SHROOM3: variants seen among roughly 807,000 people sequenced by gnomAD.
SHROOM3 encodes the protein protein Shroom3.
Under a neutral mutation model 138.6 loss-of-function variants are expected in SHROOM3, and 47 were observed. That is an observed-to-expected ratio of 0.34 (90% CI 0.27 to 0.43). SHROOM3 has a LOEUF of 0.43. Ranked by LOEUF, SHROOM3 falls within the 20% of genes least tolerant of loss-of-function variation. The pLI, the probability that SHROOM3 is intolerant of heterozygous loss-of-function variation, is 1.00. For missense variants in SHROOM3, 2,491 were observed against 2,596.5 expected (o/e 0.96, Z 0.88); for synonymous variants, 1,062 against 1,063.3 (o/e 1.00, Z 0.02).
chr4:76,639,891 T>C (rs915695489), intron 2 of SHROOM3, among the ~76,000 whole-genome samples: 4 of 152,206 alleles, frequency 2.6e-5, no homozygotes, highest in African/African-American at 9.7e-5. Flanking sequence ...TGCAAACTTC[T>C]TTTTTAAAAC....
At chr4:76,715,653 A>G (rs1290953859) in intron 3 of SHROOM3, among the ~76,000 whole-genome samples, 1 of 152,164 alleles carries the variant, frequency 6.6e-6, no homozygotes, top group Non-Finnish European at 1.5e-5. Flanking sequence ...TTATATGGGG[A>G]TCTCGGATCA....
chr4:76,515,172 G>A (rs960704779), intron 1 of SHROOM3, among the ~76,000 whole-genome samples: 3 of 147,638 alleles, frequency 2.0e-5, no homozygotes, highest in South Asian at 2.1e-4. Flanking sequence ...CTGAGATCAC[G>A]CCTCTGCACT....
chr4:76,450,832 A>G (rs1730911239), intron 1 of SHROOM3, among the ~76,000 whole-genome samples: 1 of 152,250 alleles, frequency 6.6e-6, no homozygotes, highest in Admixed American at 6.5e-5. Flanking sequence ...GTAAAAATCA[A>G]TGAATCATAA....
In SHROOM3 at chr4:76,740,774, G is replaced by A; in HGVS notation, c.2601G>A (p.Leu867=). ...CCCGGCAGCCCTGCGGTCAGCAGCT[G>A]AGCGGAGGAGCGTCGGACAGCGGCC... ...EASRQPCGQQ[L]SGGASDSGRG... The change falls in exon 5 of 11, where the codon CTG becomes CTA. Residue 867 remains leucine (L), a synonymous_variant. Coordinates refer to ENST00000296043, the MANE Select transcript of SHROOM3 (RefSeq NM_020859.4). The surrounding 1 kb of genome is among the most constrained non-coding windows in gnomAD (Gnocchi z 4.0). The A allele has an allele frequency of 1.9e-6, 3 of 1,612,476 alleles. No homozygotes were observed. The highest frequency in any genetic ancestry group is 2.5e-6 in the Non-Finnish European group (3 of 1,179,832).
intron 4 of SHROOM3, among the ~76,000 whole-genome samples, chr4:76,736,351 C>T (rs1038766253): frequency 3.9e-5 from 6 of 152,086 alleles, no homozygotes; most frequent in African/African-American, 9.7e-5. Flanking sequence ...CTATCTGTCC[C>T]GAAGTAGGAT....
At chr4:76,763,100 C>G (rs947393259) in intron 9 of SHROOM3, among the ~76,000 whole-genome samples, 1 of 152,054 alleles carries the variant, frequency 6.6e-6, no homozygotes, top group African/African-American at 2.4e-5. Flanking sequence ...AATCACCAAG[C>G]TTAAGCCAGG....
At chr4:76,594,932 A>C (rs116516517) in intron 2 of SHROOM3, among the ~76,000 whole-genome samples, 238 of 152,338 alleles carry the variant, frequency 1.6e-3, no homozygotes, top group African/African-American at 5.4e-3. Flanking sequence ...CAAGATATGA[A>C]GGAAGCTTGT....
chr4:76,507,698 C>G (rs1394431934), intron 1 of SHROOM3, among the ~76,000 whole-genome samples: 1 of 152,020 alleles, frequency 6.6e-6, no homozygotes, highest in Non-Finnish European at 1.5e-5. Flanking sequence ...GCCACCATGC[C>G]TGGCCTGGCT....
chr4:76,452,780 C>T (rs958074264), intron 1 of SHROOM3, among the ~76,000 whole-genome samples: 4 of 152,166 alleles, frequency 2.6e-5, no homozygotes, highest in East Asian at 3.8e-4. Context: ...TGCAATGGCA[C>T]GATCTCAGCT....
intron 2 of SHROOM3, among the ~76,000 whole-genome samples, chr4:76,682,857 T>C (rs1376571978): frequency 1.3e-5 from 2 of 152,214 alleles, no homozygotes; most frequent in Non-Finnish European, 2.9e-5. Flanking sequence ...TATAATGTGG[T>C]TGGTGACATA....
chr4:76,731,993 CA>C (rs1324986005), intron 4 of SHROOM3, among the ~76,000 whole-genome samples: 2 of 152,072 alleles, frequency 1.3e-5, no homozygotes, highest in African/African-American at 4.8e-5. Flanking sequence ...AGAGCCCTCA[CA>C]AGTGGTTTAG....
At chr4:76,720,776 T>C (rs977802150) in intron 3 of SHROOM3, among the ~76,000 whole-genome samples, 30 of 151,634 alleles carry the variant, frequency 2.0e-4, no homozygotes, top group African/African-American at 7.0e-4. Flanking sequence ...CACACCCCGC[T>C]AATTTTTGTA....
chr4:76,586,809 A>C (rs548923313), intron 2 of SHROOM3: 2 of 152,364 alleles, frequency 1.3e-5, no homozygotes, highest in South Asian at 2.1e-4. Context: ...TTGTATAATA[A>C]GACCAAGTCA....
At chr4:76,710,055 C>T (rs529733191) in intron 2 of SHROOM3, 101 bp from the exon 3 acceptor site, 20 of 1,519,586 alleles carry the variant, frequency 1.3e-5, no homozygotes, top group South Asian at 7.9e-5. Context: ...GCTCTGGCTC[C>T]GGGGTTCGTT....
Position 76,741,515 on chromosome 4 carries a change from G to C in SHROOM3, c.3342G>C (p.Glu1114Asp). 1 of 1,553,788 alleles carries C rather than the reference G, an allele frequency of 6.4e-7. No individual in the cohort carries two copies. The highest frequency in any genetic ancestry group is 8.7e-7 in the Non-Finnish European group (1 of 1,155,640). Residue 1114 changes from glutamate to aspartate, a missense_variant, in exon 5 of 11, where the codon GAG becomes GAC. By Grantham distance (45) the Glu-to-Asp change is conservative (BLOSUM62 2). Coordinates refer to ENST00000296043, the MANE Select transcript of SHROOM3 (RefSeq NM_020859.4). The surrounding 1 kb of genome is among the most constrained non-coding windows in gnomAD (Gnocchi z 6.2). ...CSLQEPGPLR[E>D]RAQSAYLQPG... ...TCCAGGAGCCCGGGCCACTGCGTGA[G>C]CGCGCCCAGAGTGCCTACCTCCAGC...
chr4:76,518,676 A>G (rs956808914), intron 1 of SHROOM3, among the ~76,000 whole-genome samples: 5 of 152,132 alleles, frequency 3.3e-5, no homozygotes, highest in African/African-American at 9.7e-5. Context: ...CTTATCTAAC[A>G]TATTTCTAAA....
At chr4:76,540,632 T>C (rs1278645680) in intron 1 of SHROOM3, among the ~76,000 whole-genome samples, 2 of 152,158 alleles carry the variant, frequency 1.3e-5, no homozygotes, top group African/African-American at 4.8e-5. Flanking sequence ...GTCAGTCACA[T>C]TGTGGATTAT....
In SHROOM3 at chr4:76,577,209, C is replaced by T. The variant is rs114648932; in HGVS notation, c.323+21446C>T. ...AAAGATAATCTATACTTGAAATTTT[C>T]GCATATCACAGGCTAAAAAGCCCTC... is the stretch of plus-strand genomic sequence containing the variant. On this transcript the variant is annotated intron_variant, in intron 2 of 10. Coordinates refer to ENST00000296043, the MANE Select transcript of SHROOM3 (RefSeq NM_020859.4). Among the ~76,000 whole-genome samples, 930 of 152,294 alleles carry T rather than the reference C, an allele frequency of 6.1e-3. 14 individuals carry two copies. The highest frequency in any genetic ancestry group is 0.021 in the African/African-American group (874 of 41,562).
intron 1 of SHROOM3, among the ~76,000 whole-genome samples, chr4:76,529,429 G>C (rs1346694537): frequency 1.3e-5 from 2 of 151,950 alleles, no homozygotes; most frequent in East Asian, 3.9e-4. Context: ...CCGTTCTCTT[G>C]CCTCAGCCTC....
Sources: allele counts gnomAD v4.1 joint callset (sites outside exome capture counted in the v4.1 genomes callset), GRCh38; gene constraint gnomAD v4.1.1; non-coding constraint Gnocchi (gnomAD v3.1); transcripts MANE v1.5; gene names NCBI Gene and HGNC (gene_info 2026-07-23, HGNC 2026-07-21).